The following DPP10 variants were observed in gnomAD, a reference collection of about 807,000 sequenced individuals.
DPP10 encodes inactive dipeptidyl peptidase 10.
A neutral mutation model predicts 120.9 loss-of-function variants in DPP10; 33 were observed. The observed-to-expected ratio is 0.27, with a 90% confidence interval of 0.21 to 0.37. The LOEUF (loss-of-function observed/expected upper bound fraction) is 0.37, where lower values mean the gene tolerates loss of function less well. DPP10 is among the 10% of genes least tolerant of loss of function. DPP10 has a pLI of 1.00. For synonymous variants in DPP10, 337 were observed against 326.1 expected (o/e 1.03, Z -0.36); for missense variants, 816 against 942.8 (o/e 0.87, Z 1.76).
chr2:115,287,176 C>G (rs2060439083), intron 1 of DPP10, among the ~76,000 whole-genome samples: 1 of 151,966 alleles, frequency 6.6e-6, no homozygotes, highest in Admixed American at 6.6e-5. Context: ...GTTAGGGAAG[C>G]AGTGGAGGCT....
intron 1 of DPP10, among the ~76,000 whole-genome samples, chr2:114,566,562 T>C (rs1689216810): frequency 6.6e-6 from 1 of 152,214 alleles, no homozygotes; most frequent in Non-Finnish European, 1.5e-5. Flanking sequence ...CAAGATCTAA[T>C]CCATAATACA....
At chr2:115,572,682 G>T (rs1041609648) in intron 5 of DPP10, among the ~76,000 whole-genome samples, 2 of 152,154 alleles carry the variant, frequency 1.3e-5, no homozygotes, top group African/African-American at 4.8e-5. Flanking sequence ...GAAATTATCT[G>T]AGAGTTTGGG....
intron 1 of DPP10, among the ~76,000 whole-genome samples, chr2:114,495,806 T>C (rs1248787176): frequency 6.6e-6 from 1 of 152,200 alleles, no homozygotes; most frequent in African/African-American, 2.4e-5. Context: ...TAAAGTTTGC[T>C]GGATGAGGTA....
intron 2 of DPP10, 143 bp downstream of exon 2, chr2:115,309,496 C>A (rs1478426101): frequency 4.5e-6 from 3 of 673,600 alleles, no homozygotes; most frequent in Non-Finnish European, 2.4e-6. Flanking sequence ...CATAATCAGA[C>A]ATTTTGCAAA....
At chr2:115,819,425 G>T (rs1047753446) in intron 21 of DPP10, among the ~76,000 whole-genome samples, 2 of 151,998 alleles carry the variant, frequency 1.3e-5, no homozygotes, top group African/African-American at 4.8e-5. Context: ...ACTTACTAGT[G>T]CCTTCTTGCT....
rs184997388 is a variant in DPP10, at chr2:115,218,516, T to G, written c.61-90723T>G. ...CTTTTAAGCTGTAAGGTTTCCAACATCGTACTGACATAGATTCAAAGGAGA... is the reference window on the plus strand; with the variant it reads ...CTTTTAAGCTGTAAGGTTTCCAACAGCGTACTGACATAGATTCAAAGGAGA... On this transcript the variant is annotated intron_variant, in intron 1 of 25. Coordinates refer to ENST00000410059, the MANE Select transcript of DPP10 (RefSeq NM_020868.6). Among the ~76,000 whole-genome samples, 32 of 152,280 alleles carry G rather than the reference T, an allele frequency of 2.1e-4. No homozygotes were observed. The East Asian group carries it at 5.4e-3, about 26-fold the overall frequency.
intron 1 of DPP10, among the ~76,000 whole-genome samples, chr2:115,128,407 T>C (rs1232314618): frequency 1.3e-5 from 2 of 152,180 alleles, no homozygotes; most frequent in Admixed American, 6.5e-5. Context: ...TTCTCCCTAA[T>C]TGCAATTGCA....
chr2:115,368,019 G>T (rs1164061794), intron 3 of DPP10, among the ~76,000 whole-genome samples: 1 of 152,100 alleles, frequency 6.6e-6, no homozygotes, highest in South Asian at 2.1e-4. Context: ...AAATTAGATA[G>T]CTAAAAGTCA....
At chr2:115,644,375 A>T (rs1474128259) in intron 5 of DPP10, among the ~76,000 whole-genome samples, 1 of 151,948 alleles carries the variant, frequency 6.6e-6, no homozygotes, top group Non-Finnish European at 1.5e-5. Context: ...AAGTGTTCTC[A>T]TTGTTCAATT....
chr2:114,455,156 T>TTTTGTGTGTGTGTG lies in DPP10; in HGVS notation c.60+12319_60+12320insTTGTGTGTGTGTGT, dbSNP rs1553443770. 7.9e-3 allele frequency among the ~76,000 whole-genome samples: 1,168 copies of TTTTGTGTGTGTGTG among 147,474 alleles called. 23 individuals are homozygous for TTTTGTGTGTGTGTG. Among genetic ancestry groups the TTTTGTGTGTGTGTG allele is most frequent in the African/African-American group, 0.027 (1,094 of 39,894 alleles). The stretch of plus-strand genomic sequence containing the variant: ...GTTTTTTCAAGGGATTTTCTTTCTA[T>TTTTGTGTGTGTGTG]TGTGTGTGTGTGTGTGTGTGTGTGT... On this transcript the variant is annotated intron_variant, in intron 1 of 25. Coordinates refer to ENST00000410059, the MANE Select transcript of DPP10 (RefSeq NM_020868.6).
Position 114,717,397 on chromosome 2 carries a change from A to T in DPP10, c.60+274559A>T, listed in dbSNP as rs141126297. On this transcript the variant is annotated intron_variant, in intron 1 of 25. Transcript: ENST00000410059. ...TATACCAGAAAAGCTATTTAACTTA[A>T]TTTTTAGAAATATATCATTAAATCA... 1.6e-4 allele frequency among the ~76,000 whole-genome samples: 25 copies of T among 152,330 alleles called. 1 individual carries two copies. The highest frequency in any genetic ancestry group is 6.0e-4 in the African/African-American group (25 of 41,590).
chr2:115,161,220 C>G (rs1304579071), intron 1 of DPP10: 29 of 152,342 alleles, frequency 1.9e-4, no homozygotes, highest in Admixed American at 1.9e-3. Flanking sequence ...CACCTCAGGC[C>G]ACAATCTCAG....
rs192000321 is a variant in DPP10 at position 114,867,588 on chromosome 2, G to A, written c.60+424750G>A. 8.5e-4 allele frequency among the ~76,000 whole-genome samples: 129 copies of A among 152,158 alleles called. 1 individual carries two copies. Among genetic ancestry groups the A allele is most frequent in the Middle Eastern group, 3.4e-3 (1 of 294 alleles). On this transcript the variant is annotated intron_variant, in intron 1 of 25. Transcript: ENST00000410059. Reference sequence around the variant, plus strand: ...GTAATATGCAGTGTATTGCAATTACGAGCCTTGGCGTCTGTCTTAATATGA... The same window carrying A: ...GTAATATGCAGTGTATTGCAATTACAAGCCTTGGCGTCTGTCTTAATATGA...
At chr2:114,469,313 A>G (rs1455467097) in intron 1 of DPP10, among the ~76,000 whole-genome samples, 1 of 152,280 alleles carries the variant, frequency 6.6e-6, no homozygotes, top group Non-Finnish European at 1.5e-5. Context: ...CTAAGTACTT[A>G]TTAAACAAGA....
At chr2:115,241,279 A>AATAT (rs1465674687) in intron 1 of DPP10, among the ~76,000 whole-genome samples, 2 of 152,008 alleles carry the variant, frequency 1.3e-5, no homozygotes, top group Non-Finnish European at 2.9e-5. Flanking sequence ...AAAATAAATA[A>AATAT]ATAAATAAAT....
At chr2:115,594,747 A>G (rs938839394) in intron 5 of DPP10, among the ~76,000 whole-genome samples, 26 of 152,170 alleles carry the variant, frequency 1.7e-4, no homozygotes, top group Admixed American at 6.5e-4. Flanking sequence ...AAGCAAAACA[A>G]CTGTGGATGA....
intron 3 of DPP10, among the ~76,000 whole-genome samples, chr2:115,464,742 A>G (rs1477088797): frequency 6.6e-6 from 1 of 152,128 alleles, no homozygotes; most frequent in African/African-American, 2.4e-5. Flanking sequence ...GACAGGTATA[A>G]TATCAATAGG....
rs146523253 is a variant in DPP10 at position 115,489,777 on chromosome 2, C to T, written c.272-9733C>T. On this transcript the variant is annotated intron_variant, in intron 3 of 25. Coordinates refer to ENST00000410059, the MANE Select transcript of DPP10 (RefSeq NM_020868.6). ...CATCTTTTGTAGGGAAAATTTGGATCTGCAGACAATCTCTATTAATGTAAC... is the reference window on the plus strand; with the variant it reads ...CATCTTTTGTAGGGAAAATTTGGATTTGCAGACAATCTCTATTAATGTAAC... Among the ~76,000 whole-genome samples, 323 of 152,166 alleles carry T rather than the reference C, an allele frequency of 2.1e-3. 1 individual carries two copies. The highest frequency in any genetic ancestry group is 7.0e-3 in the African/African-American group (289 of 41,522).
At chr2:115,480,256 T>A (rs1157630255) in intron 3 of DPP10, among the ~76,000 whole-genome samples, 1 of 152,150 alleles carries the variant, frequency 6.6e-6, no homozygotes, top group Non-Finnish European at 1.5e-5. Context: ...ATAATAATTT[T>A]GTTTATGTAA....
Sources: gnomAD v4.1 joint callset for allele counts (sites outside exome capture counted in the v4.1 genomes callset) on GRCh38, gnomAD v4.1.1 for gene constraint, MANE v1.5 for transcripts, NCBI Gene and HGNC (gene_info 2026-07-23, HGNC 2026-07-21) for gene names.